MALRD1: variants seen among roughly 807,000 people sequenced by gnomAD.
The protein encoded by MALRD1 is MAM and LDL receptor class A domain containing 1.
Under a neutral mutation model 242.1 loss-of-function variants are expected in MALRD1, and 247 were observed. That is an observed-to-expected ratio of 1.02 (90% CI 0.92 to 1.13). The LOEUF (loss-of-function observed/expected upper bound fraction) is 1.13, where lower values mean the gene tolerates loss of function less well. Ranked by LOEUF, MALRD1 falls within the 50% of genes most tolerant of loss-of-function variation. The pLI, the probability that MALRD1 is intolerant of heterozygous loss-of-function variation, is 0.00. For missense variants in MALRD1, 2,989 were observed against 2,533.1 expected, an observed-to-expected ratio of 1.18 and a Z score of -3.86; for synonymous variants, 995 against 866.6, an observed-to-expected ratio of 1.15 and a Z score of -2.60.
rs146759721 is a variant in MALRD1 at position 19,477,858 on chromosome 10, A to G, written c.5030-13659A>G. 2.5e-3 allele frequency among the ~76,000 whole-genome samples: 385 copies of G among 152,288 alleles called. 5 individuals carry two copies. Among genetic ancestry groups the G allele is most frequent in the African/African-American group, 9.0e-3 (373 of 41,556 alleles). On this transcript the variant is annotated intron_variant, in intron 29 of 39. Transcript: ENST00000454679. ...TTTTATTATGCAGATGGAGTCTCTA[A>G]CTGGCCTTCACCATGTTGTCTGTTC...
chr10:19,117,423 A>G (rs1836910234), intron 5 of MALRD1, among the ~76,000 whole-genome samples: 1 of 150,760 alleles, frequency 6.6e-6, no homozygotes, highest in Non-Finnish European at 1.5e-5. Flanking sequence ...CTGTTTTGCT[A>G]TTTTTGTTTA....
In MALRD1 at chr10:19,409,712, A is replaced by G. The variant is rs186211890; in HGVS notation, c.4845+20103A>G. Among the ~76,000 whole-genome samples the G allele has an allele frequency of 5.3e-5, 8 of 152,282 alleles. No individual in the cohort carries two copies. The East Asian group carries it at 9.7e-4, about 18-fold the overall frequency. ...AGATATTTTGAGATTGCTCCATATT[A>G]TTTCTTAAAACTTCATGTGAATTCA... On this transcript the variant is annotated intron_variant, in intron 28 of 39. Coordinates refer to ENST00000454679, the MANE Select transcript of MALRD1 (RefSeq NM_001142308.3).
chr10:19,562,297 G>GA (rs1836004563), intron 32 of MALRD1, among the ~76,000 whole-genome samples: 3 of 144,650 alleles, frequency 2.1e-5, no homozygotes, highest in East Asian at 2.1e-4. Flanking sequence ...GCTGTCTTAG[G>GA]TAGATAGATA....
rs1382090348 is a variant in MALRD1, at chr10:19,491,510, T to TC, written c.5030-4dup. ...AATACTGCTTTTGTTTTTTTGTTTT[T>TC]CCCTAGTGGGAGAGATCTCTGAGCT... On this transcript the variant is annotated splice_region_variant and splice_polypyrimidine_tract_variant and intron_variant, in intron 29 of 39. Coordinates refer to ENST00000454679, the MANE Select transcript of MALRD1 (RefSeq NM_001142308.3). 1 of 1,548,976 alleles carries TC rather than the reference T, an allele frequency of 6.5e-7. No individual in the cohort carries two copies. Among genetic ancestry groups the TC allele is most frequent in the Non-Finnish European group, 8.7e-7 (1 of 1,146,478 alleles).
chr10:19,407,317 CATAAA>C (rs973324922), intron 28 of MALRD1, among the ~76,000 whole-genome samples: 1 of 151,884 alleles, frequency 6.6e-6, no homozygotes, highest in Non-Finnish European at 1.5e-5. Flanking sequence ...AAAAAAATAA[CATAAA>C]ATAAAAATCA....
At chr10:19,302,044 T>C (rs566023094) in intron 21 of MALRD1, among the ~76,000 whole-genome samples, 2 of 151,806 alleles carry the variant, frequency 1.3e-5, no homozygotes, top group Admixed American at 1.3e-4. Flanking sequence ...AAAATTCAAA[T>C]CAAAACCAGA....
intron 29 of MALRD1, among the ~76,000 whole-genome samples, chr10:19,454,171 A>G (rs1436005292): frequency 5.3e-5 from 8 of 152,068 alleles, no homozygotes; most frequent in Non-Finnish European, 2.9e-5. Context: ...TAGCAAAGTC[A>G]GCAAGTCATG....
intron 1 of MALRD1, among the ~76,000 whole-genome samples, chr10:19,063,838 A>C (rs1834893723): frequency 1.3e-5 from 2 of 152,028 alleles, no homozygotes; most frequent in Non-Finnish European, 2.9e-5. Flanking sequence ...GATATACCTA[A>C]TGCTAAATGA....
At chr10:19,094,106 G>A (rs1220167265) in intron 4 of MALRD1, among the ~76,000 whole-genome samples, 2 of 110,958 alleles carry the variant, frequency 1.8e-5, no homozygotes, top group African/African-American at 3.6e-5. Flanking sequence ...TCCTTGAGCT[G>A]TGGTGGGCTC....
intron 21 of MALRD1, among the ~76,000 whole-genome samples, chr10:19,316,580 T>C (rs1336092511): frequency 6.6e-6 from 1 of 151,888 alleles, no homozygotes; most frequent in Non-Finnish European, 1.5e-5. Context: ...TCAGGGACTT[T>C]TATCATCACA....
At chr10:19,636,605 A>C (rs972996466) in intron 36 of MALRD1, among the ~76,000 whole-genome samples, 3 of 152,188 alleles carry the variant, frequency 2.0e-5, no homozygotes, top group Non-Finnish European at 2.9e-5. Context: ...AATGTATTTC[A>C]ACCAGTACAG....
Position 19,331,482 on chromosome 10 carries a change from T to C in MALRD1, c.3801T>C (p.His1267=), listed in dbSNP as rs1177484636. ...GCCCAGAGAGAAAGTGTACTGATCA[T>C]GAATTCATGTGTGCTAATAAGCACT... ...LLSPERKCTD[H]EFMCANKHCI... Residue 1267 remains histidine (H), a synonymous_variant, in exon 24 of 40, where the codon CAT becomes CAC. Coordinates refer to ENST00000454679, the MANE Select transcript of MALRD1 (RefSeq NM_001142308.3). 1.9e-6 allele frequency: 3 copies of C among 1,550,448 alleles called. No homozygotes were observed. In the Admixed American group the frequency reaches 5.9e-5, roughly 30 times the overall value.
rs544476257 is a variant in MALRD1, at chr10:19,330,236, TA to T, written c.3688-1132del. On this transcript the variant is annotated intron_variant, in intron 23 of 39. Coordinates refer to ENST00000454679, the MANE Select transcript of MALRD1 (RefSeq NM_001142308.3). Reference sequence around the variant, plus strand: ...TGAAGTCAATATATGAACACAGTTATATTTTTTTTTTGATAATGTGAGAGGC... The same window carrying T: ...TGAAGTCAATATATGAACACAGTTATTTTTTTTTTTGATAATGTGAGAGGC... 5.2e-4 allele frequency among the ~76,000 whole-genome samples: 79 copies of T among 152,106 alleles called. 1 individual carries two copies. Among genetic ancestry groups the T allele is most frequent in the Admixed American group, 1.6e-3 (24 of 15,256 alleles).
intron 33 of MALRD1, among the ~76,000 whole-genome samples, chr10:19,590,876 G>A (rs905622584): frequency 1.3e-5 from 2 of 152,088 alleles, no homozygotes; most frequent in African/African-American, 4.8e-5. Context: ...TCAGTGAGAT[G>A]AGCCTACTTT....
At chr10:19,622,838 TTAAA>T (rs1839467247) in intron 36 of MALRD1, among the ~76,000 whole-genome samples, 1 of 151,866 alleles carries the variant, frequency 6.6e-6, no homozygotes, top group South Asian at 2.1e-4. Flanking sequence ...GAGTAGAAAG[TTAAA>T]AAATGTATCC....
At chr10:19,625,015 A>G (rs1409275357) in intron 36 of MALRD1, among the ~76,000 whole-genome samples, 2 of 151,956 alleles carry the variant, frequency 1.3e-5, no homozygotes, top group Non-Finnish European at 2.9e-5. Flanking sequence ...TATGATCGCA[A>G]TACTGCACTT....
chr10:19,722,860 A>G (rs1056261077), intron 38 of MALRD1, among the ~76,000 whole-genome samples: 2 of 152,128 alleles, frequency 1.3e-5, no homozygotes, highest in Non-Finnish European at 2.9e-5. Flanking sequence ...CATTTCATCT[A>G]AGAGACAGAA....
chr10:19,135,380 C>A (rs894063754), intron 9 of MALRD1, among the ~76,000 whole-genome samples: 1 of 152,148 alleles, frequency 6.6e-6, no homozygotes, highest in Admixed American at 6.5e-5. Flanking sequence ...GTCTCGAACT[C>A]CTGACCTCAA....
At chr10:19,360,011 A>G (rs183267263) in intron 26 of MALRD1, among the ~76,000 whole-genome samples, 327 of 152,240 alleles carry the variant, frequency 2.1e-3, no homozygotes, top group African/African-American at 7.5e-3. Context: ...GATGGTAGAT[A>G]TGGAATACCT....
Sources: allele counts gnomAD v4.1 joint callset (sites outside exome capture counted in the v4.1 genomes callset), GRCh38; gene constraint gnomAD v4.1.1; transcripts MANE v1.5; gene names NCBI Gene and HGNC (gene_info 2026-07-23, HGNC 2026-07-21).